The following NRXN3 variants were observed in gnomAD, a reference collection of about 807,000 sequenced individuals.
NRXN3 encodes the protein neurexin 3, also known as neurexin III.
In NRXN3, 32 loss-of-function variants were observed where a neutral mutation model predicts 137.6. That is an observed-to-expected ratio of 0.23 (90% confidence interval 0.18 to 0.31). NRXN3 has a LOEUF of 0.31. NRXN3 is among the 10% of genes least tolerant of loss of function. The probability of loss-of-function intolerance (pLI) is 1.00; values close to 1 mark genes in which losing one functional copy is unlikely to be tolerated. For missense variants in NRXN3, 1,574 were observed against 2,062.5 expected (o/e 0.76, Z 4.59); for synonymous variants, 798 against 784.5 (o/e 1.02, Z -0.29).
chr14:78,883,723 AG>A (rs944993606), intron 10 of NRXN3, among the ~76,000 whole-genome samples: 1 of 152,188 alleles, frequency 6.6e-6, no homozygotes, highest in African/African-American at 2.4e-5. Context: ...AAAGGGGTTA[AG>A]TGCCTTGCCT....
chr14:78,967,413 G>A lies in NRXN3; in HGVS notation c.2968+15G>A. 6.3e-7 allele frequency: 1 copy of A among 1,599,798 alleles called. No homozygotes were observed. ...GGATTTGAAAGGTAAACCTTGTAAA[G>A]AAATTTAGTTTTTAATAGAGCTTTT... On this transcript the variant is annotated intron_variant, in intron 13 of 20. Transcript: ENST00000335750.
intron 4 of NRXN3, among the ~76,000 whole-genome samples, chr14:78,332,122 TAATG>T (rs1357409325): frequency 1.3e-5 from 2 of 152,100 alleles, no homozygotes; most frequent in African/African-American, 2.4e-5. Context: ...AAGGGAGTAA[TAATG>T]AAGACCTCAT....
chr14:79,550,699 A>C (rs976713177), intron 16 of NRXN3, among the ~76,000 whole-genome samples: 3 of 152,160 alleles, frequency 2.0e-5, no homozygotes, highest in Non-Finnish European at 2.9e-5. Flanking sequence ...CGGAAAGTGC[A>C]GGAGTGTATG....
Position 79,518,643 on chromosome 14 carries a change from A to T in NRXN3, c.3444+51241A>T, listed in dbSNP as rs554437109. Among the ~76,000 whole-genome samples, 153 of 152,230 alleles carry T rather than the reference A, an allele frequency of 1.0e-3. 1 individual carries two copies. The highest frequency in any genetic ancestry group is 1.8e-3 in the Non-Finnish European group (125 of 67,992). On this transcript the variant is annotated intron_variant, in intron 16 of 20. Coordinates refer to ENST00000335750, the MANE Select transcript of NRXN3 (RefSeq NM_001330195.2). The stretch of plus-strand genomic sequence containing the variant: ...TTCTGAGAACTCCAGGTGCTCAGTC[A>T]TATCATCTAAACATAATTTTATCAC...
At chr14:79,752,860 AC>A in intron 19 of NRXN3, among the ~76,000 whole-genome samples, 1 of 152,320 alleles carries the variant, frequency 6.6e-6, no homozygotes, top group South Asian at 2.1e-4. Context: ...ATGAACTCAA[AC>A]AAATTTACAG....
intron 15 of NRXN3, among the ~76,000 whole-genome samples, chr14:79,094,129 C>T (rs183987324): frequency 6.6e-6 from 1 of 151,980 alleles, no homozygotes; most frequent in African/African-American, 2.4e-5. Context: ...GATGAACAGC[C>T]CAGCTTGGAC....
chr14:79,104,986 A>T (rs1415731953), intron 15 of NRXN3, among the ~76,000 whole-genome samples: 1 of 152,106 alleles, frequency 6.6e-6, no homozygotes, highest in Non-Finnish European at 1.5e-5. Flanking sequence ...ATGATATTTC[A>T]TGTCTGGGCC....
intron 10 of NRXN3, among the ~76,000 whole-genome samples, chr14:78,917,661 G>A (rs1397004605): frequency 1.3e-5 from 2 of 152,132 alleles, no homozygotes; most frequent in African/African-American, 4.8e-5. Flanking sequence ...CTGGAGTGGA[G>A]TGGTAGGATC....
intron 15 of NRXN3, among the ~76,000 whole-genome samples, chr14:78,992,377 T>A (rs118064571): frequency 0.027 from 4,100 of 152,306 alleles, 81 homozygotes; most frequent in Non-Finnish European, 0.041. Context: ...TAATGAAAGC[T>A]GTCTTGGGCT....
intron 7 of NRXN3, 176 bp downstream of exon 7, chr14:78,709,831 C>T: frequency 1.6e-6 from 1 of 613,800 alleles, no homozygotes; most frequent in Admixed American, 3.0e-5. Flanking sequence ...TCATAGATGG[C>T]TCACATTCTC....
intron 4 of NRXN3, among the ~76,000 whole-genome samples, chr14:78,523,727 G>C (rs2096324862): frequency 7.1e-6 from 1 of 140,618 alleles, no homozygotes; most frequent in Non-Finnish European, 1.5e-5. Context: ...TGAGGCAGGA[G>C]AATGGTATGA....
At chr14:79,825,388 A>C (rs546000219) in intron 20 of NRXN3, among the ~76,000 whole-genome samples, 82 of 152,240 alleles carry the variant, frequency 5.4e-4, no homozygotes, top group African/African-American at 1.9e-3. Flanking sequence ...GTTTTCATTT[A>C]AGAAAATTTC....
chr14:79,127,644 G>C (rs979646963), intron 15 of NRXN3, among the ~76,000 whole-genome samples: 2 of 152,060 alleles, frequency 1.3e-5, no homozygotes, highest in African/African-American at 4.8e-5. Flanking sequence ...GCTTAGGATT[G>C]ACTTGGCGAT....
chr14:78,402,277 A>G (rs1274318860), intron 4 of NRXN3, among the ~76,000 whole-genome samples: 1 of 152,252 alleles, frequency 6.6e-6, no homozygotes, highest in Non-Finnish European at 1.5e-5. Flanking sequence ...GAATTAGTGA[A>G]AAGTCAGAAT....
intron 16 of NRXN3, among the ~76,000 whole-genome samples, chr14:79,620,090 T>A (rs151204496): frequency 1.4e-4 from 22 of 152,166 alleles, no homozygotes; most frequent in African/African-American, 5.1e-4. Flanking sequence ...TTGGCTGGGT[T>A]TCAAAGAATA....
chr14:78,490,762 C>T (rs1479582370), intron 4 of NRXN3, among the ~76,000 whole-genome samples: 2 of 152,076 alleles, frequency 1.3e-5, no homozygotes, highest in Non-Finnish European at 2.9e-5. Flanking sequence ...TTATTCTTAG[C>T]CACCCTATAA....
chr14:78,387,259 T>TA (rs34990146), intron 4 of NRXN3, among the ~76,000 whole-genome samples: 1 of 152,166 alleles, frequency 6.6e-6, no homozygotes, highest in South Asian at 2.1e-4. Context: ...TTCATCCTCA[T>TA]AAAAAAAGTA....
At chr14:78,170,748 T>A (rs2058642727) in intron 1 of NRXN3, 74 bp downstream of exon 1, 1 of 152,020 alleles carries the variant, frequency 6.6e-6, no homozygotes, top group African/African-American at 2.4e-5. Context: ...TGGGAAGAGG[T>A]TGCTCCTGAG....
chr14:79,060,186 T>TTC (rs1326692912), intron 15 of NRXN3, among the ~76,000 whole-genome samples: 4 of 152,350 alleles, frequency 2.6e-5, no homozygotes, highest in Admixed American at 2.6e-4. Context: ...CCATTCAATG[T>TTC]TCTGTTGGAG....
Sources: gnomAD v4.1 joint callset for allele counts (sites outside exome capture counted in the v4.1 genomes callset) on GRCh38, gnomAD v4.1.1 for gene constraint, MANE v1.5 for transcripts, NCBI Gene and HGNC (gene_info 2026-07-23, HGNC 2026-07-21) for gene names.